Variants in SORCS1 observed in about 807,000 individuals in gnomAD.
SORCS1 encodes the protein sortilin related VPS10 domain containing receptor 1, also known as VPS10 domain-containing receptor SorCS1.
In SORCS1, 60 loss-of-function variants were observed where a neutral mutation model predicts 146.1. The observed-to-expected ratio is 0.41, with a 90% CI of 0.33 to 0.51. The LOEUF (loss-of-function observed/expected upper bound fraction) is 0.51, where lower values mean the gene tolerates loss of function less well. Among genes scored for constraint, SORCS1 ranks in the 20% least tolerant of loss-of-function variants. SORCS1 has a pLI of 0.21. For synonymous variants in SORCS1, 637 were observed against 584.0 expected (o/e 1.09, Z -1.31); for missense variants, 1,352 against 1,487.6 (o/e 0.91, Z 1.50).
At chr10:106,937,304 G>C (rs1417183644) in intron 2 of SORCS1, among the ~76,000 whole-genome samples, 1 of 151,686 alleles carries the variant, frequency 6.6e-6, no homozygotes, top group East Asian at 1.9e-4. Context: ...TGAGTAGCTG[G>C]GATTTACAGG....
intron 1 of SORCS1, among the ~76,000 whole-genome samples, chr10:107,053,969 C>T (rs181397076): frequency 1.6e-3 from 237 of 152,204 alleles, no homozygotes; most frequent in African/African-American, 5.5e-3. Flanking sequence ...CTTTAGAATC[C>T]TCTATGGGAA....
chr10:106,956,210 T>A (rs1283351971), intron 2 of SORCS1, among the ~76,000 whole-genome samples: 1 of 151,910 alleles, frequency 6.6e-6, no homozygotes, highest in Non-Finnish European at 1.5e-5. Flanking sequence ...GCAAAGAGAC[T>A]TCCAGTCTCA....
Position 106,629,354 on chromosome 10 carries a change from A to G in SORCS1, c.2510T>C (p.Phe837Ser), listed in dbSNP as rs1848296970. The G allele has an allele frequency of 6.2e-7, 1 of 1,614,048 alleles. No individual in the cohort carries two copies. The highest frequency in any genetic ancestry group is 8.5e-7 in the Non-Finnish European group (1 of 1,180,016). ...GTAAGACACCGCGATACCATCGCCAAAGTCCACTTGGATGAGTGTCCGCTG... is the reference window on the plus strand; with the variant it reads ...GTAAGACACCGCGATACCATCGCCAGAGTCCACTTGGATGAGTGTCCGCTG... ...DVQRTLIQVD[F>S]GDGIAVSYVN... The change falls in exon 19 of 26, where the codon TTT becomes TCT. Residue 837 changes from phenylalanine (F) to serine (S), a missense_variant. Coordinates refer to ENST00000263054, the MANE Select transcript of SORCS1 (RefSeq NM_052918.5).
At position 106,588,888 on chromosome 10, in the gene SORCS1, A is replaced by G. The variant is rs1048824968; in HGVS notation, c.3265+8463T>C. Among the ~76,000 whole-genome samples the G allele has an allele frequency of 2.2e-3, 322 of 148,652 alleles. 2 individuals carry two copies. Among genetic ancestry groups the G allele is most frequent in the Non-Finnish European group, 4.1e-3 (275 of 67,548 alleles). On this transcript the variant is annotated intron_variant, in intron 24 of 25. Coordinates refer to ENST00000263054, the MANE Select transcript of SORCS1 (RefSeq NM_052918.5). ...AAAAAAAAAAAAAAAAAAAAAAAAAAAAGAAGATTCCTATTCCTGGCTCCT... is the reference window on the plus strand; with the variant it reads ...AAAAAAAAAAAAAAAAAAAAAAAAAGAAGAAGATTCCTATTCCTGGCTCCT...
chr10:106,833,591 A>G (rs1564712351), intron 2 of SORCS1, among the ~76,000 whole-genome samples: 1 of 152,072 alleles, frequency 6.6e-6, no homozygotes, highest in African/African-American at 2.4e-5. Flanking sequence ...GGGCCTCTCA[A>G]GTTTCCTCAC....
intron 1 of SORCS1, among the ~76,000 whole-genome samples, chr10:107,038,889 A>G (rs1474911398): frequency 6.6e-6 from 1 of 152,202 alleles, no homozygotes; most frequent in Non-Finnish European, 1.5e-5. Flanking sequence ...CTGAATGCTA[A>G]TAAAAATGCC....
chr10:106,852,785 A>C (rs1362223581), intron 2 of SORCS1, among the ~76,000 whole-genome samples: 1 of 152,172 alleles, frequency 6.6e-6, no homozygotes, highest in African/African-American at 2.4e-5. Context: ...TGTGATAATT[A>C]CATTAATTGA....
chr10:106,926,231 T>C (rs1391603790), intron 2 of SORCS1, among the ~76,000 whole-genome samples: 3 of 152,252 alleles, frequency 2.0e-5, no homozygotes, highest in Admixed American at 6.5e-5. Flanking sequence ...AGGGGGTTAA[T>C]GTTTTTAAGA....
intron 2 of SORCS1, among the ~76,000 whole-genome samples, chr10:106,944,916 C>T (rs1430527644): frequency 3.3e-5 from 2 of 60,462 alleles, no homozygotes; most frequent in South Asian, 6.7e-4. Flanking sequence ...GATGGAGTCT[C>T]GCTCTGTCAC....
intron 1 of SORCS1, among the ~76,000 whole-genome samples, chr10:107,126,349 T>C (rs1221617045): frequency 6.6e-6 from 1 of 152,172 alleles, no homozygotes; most frequent in Non-Finnish European, 1.5e-5. Context: ...CCAAGCCATA[T>C]AGTCAGCATC....
chr10:106,611,929 G>C lies in SORCS1; in HGVS notation c.3015C>G (p.Ile1005Met), dbSNP rs1358315092. ...CACTCACTTCCACCAGGGATTTTTTGATGACTCGACCGATGTCCCTCCTCC... is the reference window on the plus strand; with the variant it reads ...CACTCACTTCCACCAGGGATTTTTTCATGACTCGACCGATGTCCCTCCTCC... ...PEWRRDIGRV[I>M]KKSLVEATGV... The change falls in exon 22 of 26, where the codon ATC becomes ATG. Residue 1005 changes from isoleucine to methionine, a missense_variant. By Grantham distance (10) the Ile-to-Met change is conservative (BLOSUM62 1). Coordinates refer to ENST00000263054, the MANE Select transcript of SORCS1 (RefSeq NM_052918.5). 6.2e-7 allele frequency: 1 copy of C among 1,613,774 alleles called. No homozygotes were observed. Among genetic ancestry groups the C allele is most frequent in the Non-Finnish European group, 8.5e-7 (1 of 1,179,856 alleles).
chr10:107,150,932 C>T (rs1031451710), intron 1 of SORCS1, among the ~76,000 whole-genome samples: 7 of 152,170 alleles, frequency 4.6e-5, no homozygotes, highest in Admixed American at 3.9e-4. Flanking sequence ...ATAAATTGCC[C>T]AGTCCCGGGT....
intron 6 of SORCS1, among the ~76,000 whole-genome samples, chr10:106,718,649 T>G (rs1589729633): frequency 6.6e-6 from 1 of 152,256 alleles, no homozygotes; most frequent in Non-Finnish European, 1.5e-5. Context: ...CACTGCTGGC[T>G]GGGGTGGCCA....
intron 2 of SORCS1, among the ~76,000 whole-genome samples, chr10:106,843,429 CTTTTTTT>C (rs141378677): frequency 8.6e-6 from 1 of 116,804 alleles, no homozygotes; most frequent in African/African-American, 3.3e-5. Context: ...GCAGGATTTC[CTTTTTTT>C]TTTTTTTTTT....
chr10:106,989,253 G>T (rs1956631483), intron 1 of SORCS1, among the ~76,000 whole-genome samples: 1 of 123,550 alleles, frequency 8.1e-6, no homozygotes, highest in South Asian at 2.8e-4. Flanking sequence ...CTGGGTGTCA[G>T]TGAAAGGCTC....
chr10:106,675,626 T>A (rs821933), intron 13 of SORCS1, among the ~76,000 whole-genome samples: 8 of 152,052 alleles, frequency 5.3e-5, no homozygotes, highest in Non-Finnish European at 1.0e-4. Context: ...TTGACCTTAC[T>A]GAATGAATGA....
At chr10:106,802,085 A>G (rs1946932057) in intron 3 of SORCS1, among the ~76,000 whole-genome samples, 1 of 152,212 alleles carries the variant, frequency 6.6e-6, no homozygotes, top group Non-Finnish European at 1.5e-5. Context: ...ACTGCTTTAT[A>G]TTATCAGTTC....
chr10:106,623,986 T>C (rs956452812), intron 19 of SORCS1, among the ~76,000 whole-genome samples: 4 of 152,272 alleles, frequency 2.6e-5, no homozygotes, highest in Middle Eastern at 3.4e-3. Context: ...CGCCCAACCC[T>C]CACTCAATAG....
intron 18 of SORCS1, among the ~76,000 whole-genome samples, chr10:106,643,514 G>A (rs1849208801): frequency 6.6e-6 from 1 of 152,236 alleles, no homozygotes. Context: ...GGTCCTCAGG[G>A]CCTCCTGATA....
Sources: allele counts gnomAD v4.1 joint callset (sites outside exome capture counted in the v4.1 genomes callset), GRCh38; gene constraint gnomAD v4.1.1; transcripts MANE v1.5; gene names NCBI Gene and HGNC (gene_info 2026-07-23, HGNC 2026-07-21).